The following PCMTD1 variants were observed in gnomAD, a reference collection of about 807,000 sequenced individuals.
PCMTD1 encodes protein-L-isoaspartate (D-aspartate) O-methyltransferase domain containing 1.
A neutral mutation model predicts 37.6 loss-of-function variants in PCMTD1; 12 were observed. The ratio of observed to expected loss-of-function variants is 0.32; its 90% confidence interval spans 0.20 to 0.52. The LOEUF (loss-of-function observed/expected upper bound fraction) is 0.52, where lower values mean the gene tolerates loss of function less well. PCMTD1 is among the 20% of genes least tolerant of loss of function. The probability of loss-of-function intolerance (pLI) is 0.97; values close to 1 mark genes in which losing one functional copy is unlikely to be tolerated. For synonymous variants in PCMTD1, 117 were observed against 135.8 expected (o/e 0.86, Z 0.96); for missense variants, 235 against 421.3 (o/e 0.56, Z 3.87).
intron 5 of PCMTD1, among the ~76,000 whole-genome samples, chr8:51,829,379 C>G (rs193120441): frequency 6.6e-6 from 1 of 152,310 alleles, no homozygotes; most frequent in East Asian, 1.9e-4. Flanking sequence ...AACGGCTAGG[C>G]TTGTATGTTT....
In PCMTD1 at chr8:51,817,890, G is replaced by C. The variant is rs1435917792; in HGVS notation, c.*2461C>G. 2.2e-6 allele frequency: 1 copy of C among 456,806 alleles called. No homozygotes were observed. The highest frequency in any genetic ancestry group is 4.4e-6 in the Non-Finnish European group (1 of 226,990). 28.3% of individuals were successfully genotyped at this position (456,806 alleles called of 1,614,324 possible). A position where few individuals can be genotyped will look rare whatever the true frequency, so the allele number is the denominator to read the frequency against. On this transcript the variant is annotated 3_prime_UTR_variant, in exon 6 of 6. Coordinates refer to ENST00000522514, the MANE Select transcript of PCMTD1 (RefSeq NM_052937.4). ...TGTCTCTAACTCACTGTATGTTTCA[G>C]GCAAAACATGCCACGGTTCTAGGTC...
At chr8:51,827,028 C>T (rs2129274145) in intron 5 of PCMTD1, 2 of 968,586 alleles carry the variant, frequency 2.1e-6, no homozygotes, top group Non-Finnish European at 2.5e-6. Context: ...TTTGGAGTCG[C>T]GTTCTTTCAT....
At chr8:51,871,269 A>C (rs2129289553) in intron 1 of PCMTD1, among the ~76,000 whole-genome samples, 1 of 152,354 alleles carries the variant, frequency 6.6e-6, no homozygotes, top group Non-Finnish European at 1.5e-5. Flanking sequence ...CAGTACATAC[A>C]GAAGTCTGTG....
At chr8:51,827,620 AACAT>A (rs2129274363) in intron 5 of PCMTD1, among the ~76,000 whole-genome samples, 1 of 152,260 alleles carries the variant, frequency 6.6e-6, no homozygotes, top group African/African-American at 2.4e-5. Context: ...AGGGTAATGG[AACAT>A]ACCCCCAAGA....
intron 5 of PCMTD1, 148 bp downstream of exon 5, chr8:51,831,296 C>CA (rs10578406): frequency 0.049 from 28,681 of 584,568 alleles, 227 homozygotes; most frequent in African/African-American, 0.1. Context: ...AGACTGTCTC[C>CA]AAAAAAAAAA....
At chr8:51,823,953 C>A (rs536831729) in intron 5 of PCMTD1, among the ~76,000 whole-genome samples, 1 of 152,238 alleles carries the variant, frequency 6.6e-6, no homozygotes, top group South Asian at 2.1e-4. Flanking sequence ...AACCATATGA[C>A]TATCTCAACA....
At chr8:51,845,638 A>G (rs1338062143) in intron 3 of PCMTD1, 23 bp downstream of exon 3, 3 of 1,564,076 alleles carry the variant, frequency 1.9e-6, no homozygotes, top group Non-Finnish European at 2.6e-6. Context: ...TTTTAAACCA[A>G]AACTATAGAT....
chr8:51,883,266 A>C (rs556083108), intron 1 of PCMTD1, among the ~76,000 whole-genome samples: 68 of 152,366 alleles, frequency 4.5e-4, no homozygotes, highest in African/African-American at 1.5e-3. Context: ...TCAGATTATA[A>C]AGTATTTAAA....
At chr8:51,855,696 G>A (rs1261617680) in intron 2 of PCMTD1, among the ~76,000 whole-genome samples, 4 of 151,452 alleles carry the variant, frequency 2.6e-5, no homozygotes, top group Non-Finnish European at 5.9e-5. Context: ...ACAGAGTCTC[G>A]CCCTGTCGCC....
intron 1 of PCMTD1, among the ~76,000 whole-genome samples, chr8:51,878,888 G>A (rs951460703): frequency 6.6e-6 from 1 of 152,178 alleles, no homozygotes; most frequent in Non-Finnish European, 1.5e-5. Flanking sequence ...ACTTTGGGAG[G>A]TCAAGGTGTG....
At chr8:51,891,233 G>A (rs2038931047) in intron 1 of PCMTD1, among the ~76,000 whole-genome samples, 1 of 152,068 alleles carries the variant, frequency 6.6e-6, no homozygotes, top group African/African-American at 2.4e-5. Context: ...TATGAACCTA[G>A]GCAGCATACA....
intron 2 of PCMTD1, among the ~76,000 whole-genome samples, chr8:51,854,705 C>T (rs939329973): frequency 7.9e-5 from 12 of 151,956 alleles, no homozygotes; most frequent in Non-Finnish European, 1.6e-4. Context: ...AGTGAAACCC[C>T]GTCTCTACTA....
chr8:51,870,598 G>C (rs1429066975), intron 1 of PCMTD1, among the ~76,000 whole-genome samples: 2 of 152,028 alleles, frequency 1.3e-5, no homozygotes, highest in Non-Finnish European at 2.9e-5. Context: ...CTAGCACTGT[G>C]CTCTAGTTCT....
At chr8:51,856,183 C>T (rs1019488096) in intron 2 of PCMTD1, among the ~76,000 whole-genome samples, 5 of 152,038 alleles carry the variant, frequency 3.3e-5, no homozygotes, top group Non-Finnish European at 2.9e-5. Flanking sequence ...CAATCAACAA[C>T]TCAATTAAAA....
intron 2 of PCMTD1, among the ~76,000 whole-genome samples, chr8:51,858,645 T>C (rs1324740985): frequency 6.6e-6 from 1 of 152,244 alleles, no homozygotes; most frequent in South Asian, 2.1e-4. Context: ...GCTGTAATCA[T>C]AGTTTTACAG....
intron 1 of PCMTD1, among the ~76,000 whole-genome samples, chr8:51,885,353 G>A (rs1465927187): frequency 1.3e-5 from 2 of 152,182 alleles, no homozygotes; most frequent in African/African-American, 4.8e-5. Flanking sequence ...TGATCAGAGA[G>A]GGGAAGTTAG....
At chr8:51,832,480 A>G (rs902298283) in intron 4 of PCMTD1, among the ~76,000 whole-genome samples, 1 of 152,242 alleles carries the variant, frequency 6.6e-6, no homozygotes, top group African/African-American at 2.4e-5. Flanking sequence ...CCCAAGATGT[A>G]TAAACTCCAC....
chr8:51,823,894 T>C (rs2037883471), intron 5 of PCMTD1, among the ~76,000 whole-genome samples: 2 of 152,140 alleles, frequency 1.3e-5, no homozygotes, highest in Non-Finnish European at 2.9e-5. Flanking sequence ...ATTCAACATA[T>C]GCAAATCAAT....
intron 5 of PCMTD1, among the ~76,000 whole-genome samples, chr8:51,822,180 G>A (rs1044867846): frequency 3.3e-5 from 5 of 152,302 alleles, no homozygotes; most frequent in East Asian, 3.9e-4. Flanking sequence ...CCAAGGAGCC[G>A]AAGGAAGACT....
Sources: gnomAD v4.1 joint callset for allele counts (sites outside exome capture counted in the v4.1 genomes callset) on GRCh38, gnomAD v4.1.1 for gene constraint, MANE v1.5 for transcripts, NCBI Gene and HGNC (gene_info 2026-07-23, HGNC 2026-07-21) for gene names.